The following RBFOX1 variants were observed in gnomAD, a reference collection of about 807,000 sequenced individuals.
RBFOX1 encodes the protein RNA binding protein fox-1 homolog 1.
In RBFOX1, 8 loss-of-function variants were observed where a neutral mutation model predicts 57.7. The observed-to-expected ratio is 0.14, with a 90% CI of 0.08 to 0.25. The LOEUF (loss-of-function observed/expected upper bound fraction) is 0.25. RBFOX1 is among the 10% of genes least tolerant of loss of function. The pLI, the probability that RBFOX1 is intolerant of heterozygous loss-of-function variation, is 1.00. For missense variants in RBFOX1, 611 were observed against 548.5 expected, an observed-to-expected ratio of 1.11 and a Z score of -1.14; for synonymous variants, 326 against 222.4, an observed-to-expected ratio of 1.47 and a Z score of -4.15.
chr16:7,325,819 T>C (rs2096604103), intron 4 of RBFOX1, among the ~76,000 whole-genome samples: 1 of 152,216 alleles, frequency 6.6e-6, no homozygotes, highest in Non-Finnish European at 1.5e-5. Context: ...TTGTTAGTCC[T>C]TGGTATTCTA....
intron 4 of RBFOX1, among the ~76,000 whole-genome samples, chr16:7,068,465 C>T (rs1038734543): frequency 6.6e-6 from 1 of 152,198 alleles, no homozygotes; most frequent in African/African-American, 2.4e-5. Flanking sequence ...GCCTTTTGAA[C>T]TTCTTCTTTT....
chr16:6,485,347 T>C (rs1384787020), intron 2 of RBFOX1, among the ~76,000 whole-genome samples: 2 of 149,934 alleles, frequency 1.3e-5, no homozygotes, highest in Non-Finnish European at 3.0e-5. Flanking sequence ...CTCCCTCTCT[T>C]ACCCCTCTTC....
At chr16:5,683,121 C>T (rs2050394731) in intron 3 of RBFOX1, among the ~76,000 whole-genome samples, 1 of 118,736 alleles carries the variant, frequency 8.4e-6, no homozygotes, top group Admixed American at 1.1e-4. Flanking sequence ...CCCTCTAGGG[C>T]TTGTATTTGT....
chr16:7,609,755 G>C (rs1204443901), intron 10 of RBFOX1, among the ~76,000 whole-genome samples: 2 of 152,134 alleles, frequency 1.3e-5, no homozygotes, highest in East Asian at 1.9e-4. Context: ...ATCAGGCTTT[G>C]ATCATCTCAG....
chr16:7,101,381 T>C (rs1217943724), intron 4 of RBFOX1, among the ~76,000 whole-genome samples: 1 of 152,192 alleles, frequency 6.6e-6, no homozygotes, highest in Non-Finnish European at 1.5e-5. Flanking sequence ...TCATCAGTAA[T>C]TGCAAGGAAA....
intron 14 of RBFOX1, among the ~76,000 whole-genome samples, chr16:7,680,103 T>A (rs557917215): frequency 1.3e-5 from 2 of 152,288 alleles, no homozygotes; most frequent in South Asian, 4.1e-4. Flanking sequence ...CCACTTGGTG[T>A]TGCTGATGTG....
At chr16:7,416,497 G>C (rs2098479259) in intron 4 of RBFOX1, among the ~76,000 whole-genome samples, 1 of 152,198 alleles carries the variant, frequency 6.6e-6, no homozygotes, top group Non-Finnish European at 1.5e-5. Context: ...ATGGTGTGCT[G>C]GGAGGGGGGC....
chr16:5,658,343 A>C (rs1474692418), intron 3 of RBFOX1, among the ~76,000 whole-genome samples: 2 of 152,142 alleles, frequency 1.3e-5, no homozygotes, highest in African/African-American at 4.8e-5. Flanking sequence ...TTGTAGCTGA[A>C]ACAAGCTGAG....
chr16:5,850,090 C>T (rs1487763750), intron 3 of RBFOX1, among the ~76,000 whole-genome samples: 3 of 152,172 alleles, frequency 2.0e-5, no homozygotes, highest in Non-Finnish European at 4.4e-5. Flanking sequence ...ACTCTGAACC[C>T]AGGCTGGGAG....
chr16:6,239,612 C>G (rs572340601), intron 1 of RBFOX1, among the ~76,000 whole-genome samples: 1 of 150,818 alleles, frequency 6.6e-6, no homozygotes, highest in East Asian at 2.0e-4. Context: ...GTTCTCCTGC[C>G]TCAGCCTCCT....
At chr16:7,591,536 A>C (rs1225347951) in intron 7 of RBFOX1, among the ~76,000 whole-genome samples, 1 of 152,230 alleles carries the variant, frequency 6.6e-6, no homozygotes, top group Non-Finnish European at 1.5e-5. Flanking sequence ...TAAAGTAAGC[A>C]AGTCACGTTG....
chr16:5,286,831 G>A (rs539295605), intron 1 of RBFOX1, among the ~76,000 whole-genome samples: 1 of 152,326 alleles, frequency 6.6e-6, no homozygotes, highest in African/African-American at 2.4e-5. Context: ...TAAATGAATG[G>A]ACCTGGTTTT....
intron 3 of RBFOX1, among the ~76,000 whole-genome samples, chr16:5,834,236 G>A (rs2056378372): frequency 6.6e-6 from 1 of 152,132 alleles, no homozygotes; most frequent in Non-Finnish European, 1.5e-5. Context: ...AGTGTATATT[G>A]TACCCAGTAG....
In RBFOX1 at chr16:5,240,411, G is replaced by A. The variant is rs573614003; in HGVS notation, c.219+306G>A. Among the ~76,000 whole-genome samples, 495 of 152,304 alleles carry A rather than the reference G, an allele frequency of 3.3e-3. 3 individuals are homozygous for A. Among genetic ancestry groups the A allele is most frequent in the African/African-American group, 0.011 (475 of 41,580 alleles). ...TCCTGGGGGCCCCCAGCAGGGGAAGGGGCGGGGGTTGCGCTGGGCATCCTG... is the reference window on the plus strand; with the variant it reads ...TCCTGGGGGCCCCCAGCAGGGGAAGAGGCGGGGGTTGCGCTGGGCATCCTG... On this transcript the variant is annotated intron_variant, in intron 1 of 2. Coordinates refer to the RBFOX1 transcript ENST00000585867.
chr16:7,539,275 C>T (rs981725830), intron 5 of RBFOX1, among the ~76,000 whole-genome samples: 2 of 152,128 alleles, frequency 1.3e-5, no homozygotes, highest in South Asian at 2.1e-4. Context: ...GAGGAAGGGT[C>T]GGTTAAGCTG....
At chr16:6,402,279 C>T (rs143592690) in intron 2 of RBFOX1, among the ~76,000 whole-genome samples, 43 of 152,160 alleles carry the variant, frequency 2.8e-4, no homozygotes, top group Admixed American at 2.1e-3. Flanking sequence ...GAATAAACTT[C>T]GGAAGCTTCC....
chr16:5,360,931 T>A (rs912867810), intron 1 of RBFOX1, among the ~76,000 whole-genome samples: 1 of 152,116 alleles, frequency 6.6e-6, no homozygotes, highest in Non-Finnish European at 1.5e-5. Flanking sequence ...GGGAGAAGCC[T>A]CCAGTGCCCA....
At chr16:6,589,688 G>A (rs1364280934) in intron 2 of RBFOX1, among the ~76,000 whole-genome samples, 1 of 152,208 alleles carries the variant, frequency 6.6e-6, no homozygotes, top group Non-Finnish European at 1.5e-5. Context: ...GTCCTGCAAA[G>A]GCAGTCTAGT....
intron 3 of RBFOX1, among the ~76,000 whole-genome samples, chr16:6,989,145 C>G (rs1384971208): frequency 6.6e-6 from 1 of 152,188 alleles, no homozygotes; most frequent in African/African-American, 2.4e-5. Context: ...ATCTGCCCGC[C>G]TCAGCCTTCC....
Sources: allele counts gnomAD v4.1 joint callset (sites outside exome capture counted in the v4.1 genomes callset), GRCh38; gene constraint gnomAD v4.1.1; transcripts MANE v1.5; gene names NCBI Gene and HGNC (gene_info 2026-07-23, HGNC 2026-07-21).